The following SHANK2 variants were observed in gnomAD, a reference collection of about 807,000 sequenced individuals.
The protein encoded by SHANK2 is SH3 and multiple ankyrin repeat domains protein 2.
A neutral mutation model predicts 133.7 loss-of-function variants in SHANK2; 43 were observed. That is an observed-to-expected ratio of 0.32 (90% CI 0.25 to 0.41). The LOEUF is 0.41. Ranked by LOEUF, SHANK2 falls within the 10% of genes least tolerant of loss-of-function variation. The pLI is 1.00. For synonymous variants in SHANK2, 1,017 were observed against 952.8 expected, an observed-to-expected ratio of 1.07 and a Z score of -1.24; for missense variants, 1,994 against 2,235.8, an observed-to-expected ratio of 0.89 and a Z score of 2.18.
chr11:70,942,810 C>A (rs782068173), intron 10 of SHANK2: 3 of 456,592 alleles, frequency 6.6e-6, no homozygotes, highest in Non-Finnish European at 8.8e-6. Context: ...GTTAACACTG[C>A]CACTCAGTGG....
intron 17 of SHANK2, among the ~76,000 whole-genome samples, chr11:70,621,806 C>T (rs2060832756): frequency 6.6e-6 from 1 of 152,116 alleles, no homozygotes; most frequent in Non-Finnish European, 1.5e-5. Flanking sequence ...CTGGAGACAC[C>T]CATAAATGAT....
chr11:70,904,855 G>C (rs1317626935), intron 10 of SHANK2, among the ~76,000 whole-genome samples: 1 of 152,138 alleles, frequency 6.6e-6, no homozygotes, highest in Non-Finnish European at 1.5e-5. Context: ...AGCTCTCTTT[G>C]CCTGCCGCCA....
rs182373242 is a variant in SHANK2 at position 70,770,270 on chromosome 11, C to T, written c.1777+28173G>A. ...GGTGTCCTCCTGGGAATCAGCACCA[C>T]CAGACCAGCCTGGTCTCTGATAGTA... is the stretch of plus-strand genomic sequence containing the variant. On this transcript the variant is annotated intron_variant, in intron 14 of 25. Coordinates refer to ENST00000601538, the MANE Select transcript of SHANK2 (RefSeq NM_012309.5). Among the ~76,000 whole-genome samples the T allele has an allele frequency of 1.9e-3, 296 of 152,374 alleles. 1 individual carries two copies. The highest frequency in any genetic ancestry group is 0.017 in the Admixed American group (260 of 15,310).
At chr11:70,475,035 G>C (rs2058645480) in intron 25 of SHANK2, 2 of 152,502 alleles carry the variant, frequency 1.3e-5, no homozygotes, top group Non-Finnish European at 2.9e-5. Context: ...GCAAACAGTA[G>C]AGATGCTGCC....
intron 11 of SHANK2, among the ~76,000 whole-genome samples, chr11:70,889,079 G>A (rs1398407608): frequency 2.6e-5 from 4 of 152,206 alleles, no homozygotes; most frequent in East Asian, 1.9e-4. Context: ...GTCCTAATCC[G>A]TGGGACCTAA....
intron 10 of SHANK2, among the ~76,000 whole-genome samples, chr11:70,923,879 G>A (rs561906329): frequency 4.4e-4 from 67 of 152,262 alleles, no homozygotes; most frequent in African/African-American, 2.4e-5. Flanking sequence ...ACCCTGATTA[G>A]CCTAATTGGG....
chr11:71,238,125 TG>T (rs1464705175), intron 1 of SHANK2, among the ~76,000 whole-genome samples: 3 of 152,200 alleles, frequency 2.0e-5, no homozygotes, highest in Non-Finnish European at 4.4e-5. Context: ...CCCATCATCC[TG>T]AATCCCTGAA....
At chr11:70,725,733 T>A (rs1302476471) in intron 14 of SHANK2, among the ~76,000 whole-genome samples, 2 of 94,660 alleles carry the variant, frequency 2.1e-5, no homozygotes, top group African/African-American at 1.3e-4. Flanking sequence ...CAGCACATTG[T>A]CGGTAACTCT....
chr11:71,104,889 T>G (rs893209183), intron 6 of SHANK2, among the ~76,000 whole-genome samples: 2 of 152,246 alleles, frequency 1.3e-5, no homozygotes, highest in African/African-American at 2.4e-5. Context: ...GGGTCTGCAC[T>G]TGGCCTTCGG....
chr11:71,218,126 C>T (rs1380922871), intron 2 of SHANK2, among the ~76,000 whole-genome samples: 1 of 152,092 alleles, frequency 6.6e-6, no homozygotes, highest in East Asian at 1.9e-4. Context: ...TTCCAAAGTG[C>T]TGGCATTACA....
chr11:70,760,016 C>G (rs977598327), intron 14 of SHANK2, among the ~76,000 whole-genome samples: 1 of 152,228 alleles, frequency 6.6e-6, no homozygotes, highest in Non-Finnish European at 1.5e-5. Flanking sequence ...CTATGAGAGA[C>G]CGGCTCTGCC....
At chr11:71,065,663 G>T (rs1421210454) in intron 9 of SHANK2, among the ~76,000 whole-genome samples, 2 of 141,058 alleles carry the variant, frequency 1.4e-5, no homozygotes, top group Non-Finnish European at 3.1e-5. Context: ...AGTGACTGGG[G>T]AAGTTTGTGG....
chr11:70,835,947 C>G (rs1948808834), intron 11 of SHANK2, among the ~76,000 whole-genome samples: 1 of 152,118 alleles, frequency 6.6e-6, no homozygotes, highest in Admixed American at 6.5e-5. Context: ...GCACCCCGAG[C>G]CCACTGCACC....
chr11:70,593,201 C>T (rs1165899479), intron 17 of SHANK2, among the ~76,000 whole-genome samples: 3 of 152,194 alleles, frequency 2.0e-5, no homozygotes, highest in African/African-American at 7.2e-5. Flanking sequence ...AGCTCCTCTA[C>T]TTATTATATT....
chr11:70,661,481 C>T (rs1303319514), intron 16 of SHANK2, 115 bp downstream of exon 16: 15 of 1,091,176 alleles, frequency 1.4e-5, no homozygotes, highest in Middle Eastern at 2.1e-4. Context: ...AGCTGGGGAA[C>T]GTTTTTCATG....
intron 17 of SHANK2, among the ~76,000 whole-genome samples, chr11:70,625,674 T>C (rs192259878): frequency 2.8e-4 from 43 of 152,064 alleles, no homozygotes; most frequent in African/African-American, 9.4e-4. Flanking sequence ...GTGGAGGATG[T>C]GGGCTCTGAG....
intron 14 of SHANK2, among the ~76,000 whole-genome samples, chr11:70,781,380 C>T (rs1947483296): frequency 6.6e-6 from 1 of 150,994 alleles, no homozygotes; most frequent in South Asian, 2.1e-4. Context: ...GTACCCACTG[C>T]CTGGTGCAAA....
At chr11:71,210,959 C>T (rs1954264894) in intron 2 of SHANK2, among the ~76,000 whole-genome samples, 1 of 152,166 alleles carries the variant, frequency 6.6e-6, no homozygotes. Flanking sequence ...GAGGAGAGGG[C>T]AGGGGTGTAT....
chr11:71,063,020 TAGAG>T (rs1252971681), intron 9 of SHANK2, among the ~76,000 whole-genome samples: 5 of 76,000 alleles, frequency 6.6e-5, no homozygotes, highest in East Asian at 6.5e-4. Context: ...AAAAAAAAGA[TAGAG>T]AGTAAGAGAG....
Sources: allele counts gnomAD v4.1 joint callset (sites outside exome capture counted in the v4.1 genomes callset), GRCh38; gene constraint gnomAD v4.1.1; transcripts MANE v1.5; gene names NCBI Gene and HGNC (gene_info 2026-07-23, HGNC 2026-07-21).